ANKRD62: variants seen among roughly 807,000 people sequenced by gnomAD.
The protein encoded by ANKRD62 is ankyrin repeat domain-containing protein 62.
Under a neutral mutation model 98.8 loss-of-function variants are expected in ANKRD62, and 61 were observed. That is an observed-to-expected ratio of 0.62 (90% CI 0.50 to 0.76). The LOEUF (loss-of-function observed/expected upper bound fraction) is 0.76. Ranked by LOEUF, ANKRD62 falls within the 30% of genes least tolerant of loss-of-function variation. The pLI, the probability that ANKRD62 is intolerant of heterozygous loss-of-function variation, is 0.00. For synonymous variants in ANKRD62, 341 were observed against 367.9 expected (o/e 0.93, Z 0.84); for missense variants, 933 against 1,082.9 (o/e 0.86, Z 1.94).
In ANKRD62 at chr18:12,093,955, C is replaced by T. The variant is rs73947269; in HGVS notation, c.-63C>T. On this transcript the variant is annotated 5_prime_UTR_variant, in exon 1 of 14. In the 5' UTR this introduces an upstream ATG that the reference lacks. Coordinates refer to ENST00000587848, the MANE Select transcript of ANKRD62 (RefSeq NM_001277333.2). The stretch of plus-strand genomic sequence containing the variant: ...TGCTGCGCTCCAGAGAGGCAGAAAA[C>T]GAGTGGGAGCTGAGGTGTCTTAAAG... The T allele has an allele frequency of 1.3e-3, 1,967 of 1,486,118 alleles. 24 individuals are homozygous for T. In the African/African-American group the frequency reaches 0.025, roughly 19 times the overall value. The allele number at this position is 1,486,118 out of a possible 1,614,324, so 92.1% of individuals were successfully genotyped here.
chr18:12,172,182 G>A, the ANKRD62 span, among the ~76,000 whole-genome samples: 6 of 152,104 alleles, frequency 3.9e-5, no homozygotes, highest in Non-Finnish European at 8.8e-5. Context: ...TCCCTTGCTG[G>A]CGAGGAGCTG....
the ANKRD62 span, among the ~76,000 whole-genome samples, chr18:12,158,136 T>G: frequency 6.6e-6 from 1 of 152,200 alleles, no homozygotes; most frequent in Non-Finnish European, 1.5e-5. Flanking sequence ...CTCACTCTAT[T>G]CAGAGACAGG....
At chr18:12,140,420 A>G in the ANKRD62 span, among the ~76,000 whole-genome samples, 2 of 151,852 alleles carry the variant, frequency 1.3e-5, no homozygotes, top group Non-Finnish European at 2.9e-5. Flanking sequence ...GAGAAGAGGC[A>G]CTCTGATTTT....
At chr18:12,115,687 T>C (rs1471361291) in intron 10 of ANKRD62, among the ~76,000 whole-genome samples, 153 bp downstream of exon 10, 3 of 152,176 alleles carry the variant, frequency 2.0e-5, no homozygotes, top group Non-Finnish European at 4.4e-5. Flanking sequence ...AACTACTCTA[T>C]CTTGTATACT....
Position 12,107,388 on chromosome 18 carries a change from G to A in ANKRD62, c.985G>A (p.Asp329Asn). The A allele has an allele frequency of 2.0e-6, 3 of 1,525,846 alleles. No individual in the cohort carries two copies. The highest frequency in any genetic ancestry group is 2.6e-6 in the Non-Finnish European group (3 of 1,142,188). 94.5% of individuals were successfully genotyped at this position (1,525,846 alleles called of 1,614,324 possible). ...DDSDNYNDDV[D>N]ELIHKIKNRK... is the part of the protein sequence containing the mutation. ...CAGTGACAATTATAATGATGATGTT[G>A]ATGAATTAATTCACAAAATAAAGAA... is the stretch of plus-strand genomic sequence containing the variant. The change falls in exon 8 of 14, where the codon GAT (aspartate) becomes AAT (asparagine). Residue 329 changes from aspartate (D) to asparagine (N), a missense_variant. By Grantham distance (23) the Asp-to-Asn change is conservative. Coordinates refer to ENST00000587848, the MANE Select transcript of ANKRD62 (RefSeq NM_001277333.2).
chr18:12,136,974 T>C, the ANKRD62 span, among the ~76,000 whole-genome samples: 1 of 152,184 alleles, frequency 6.6e-6, no homozygotes, highest in African/African-American at 2.4e-5. Context: ...TTTCTAGATA[T>C]ACAATCATGT....
the ANKRD62 span, among the ~76,000 whole-genome samples, chr18:12,136,693 A>G: frequency 6.6e-6 from 1 of 152,158 alleles, no homozygotes; most frequent in African/African-American, 2.4e-5. Flanking sequence ...ATGTTCTTCC[A>G]TTTGTTTGTA....
chr18:12,105,070 A>C (rs949366126), intron 7 of ANKRD62, among the ~76,000 whole-genome samples: 2 of 152,200 alleles, frequency 1.3e-5, no homozygotes, highest in Non-Finnish European at 2.9e-5. Context: ...ACATAACATT[A>C]ATTGCAAATT....
chr18:12,106,115 A>G (rs1909408010), intron 7 of ANKRD62, among the ~76,000 whole-genome samples: 1 of 152,200 alleles, frequency 6.6e-6, no homozygotes, highest in Non-Finnish European at 1.5e-5. Context: ...AAGGCTTACA[A>G]TTTCATCATG....
intron 6 of ANKRD62, chr18:12,102,008 TG>T: frequency 1.5e-6 from 2 of 1,324,298 alleles, no homozygotes; most frequent in Non-Finnish European, 2.2e-6. Flanking sequence ...TTCCACAGCG[TG>T]GCAACAGCTT....
At chr18:12,130,891 T>C (rs184823979), downstream of ANKRD62, among the ~76,000 whole-genome samples, 39 of 152,308 alleles carry the variant, frequency 2.6e-4, no homozygotes, top group African/African-American at 9.4e-4. Context: ...GGTTTCACCA[T>C]GTTGGCCAGG....
the ANKRD62 span, among the ~76,000 whole-genome samples, chr18:12,172,660 T>C: frequency 6.6e-6 from 1 of 151,656 alleles, no homozygotes; most frequent in African/African-American, 2.4e-5. Context: ...GACAGGGATG[T>C]TTAAGTTTCT....
chr18:12,098,682 G>A (rs891914633), intron 5 of ANKRD62: 5 of 152,202 alleles, frequency 3.3e-5, no homozygotes, highest in African/African-American at 9.7e-5. Context: ...TGAGAATGGC[G>A]CTGAGTAAAC....
the ANKRD62 span, among the ~76,000 whole-genome samples, chr18:12,161,534 C>T: frequency 6.6e-6 from 1 of 152,042 alleles, no homozygotes; most frequent in Non-Finnish European, 1.5e-5. Flanking sequence ...GTGTTACAAA[C>T]CATCCAATTA....
At chr18:12,115,165 TA>T in intron 9 of ANKRD62, 44 bp downstream of exon 9, 1 of 1,374,196 alleles carries the variant, frequency 7.3e-7, no homozygotes, top group Non-Finnish European at 9.4e-7. Context: ...GAACATACCT[TA>T]AAAAAGATCA....
the ANKRD62 span, among the ~76,000 whole-genome samples, chr18:12,177,460 G>C: frequency 6.6e-6 from 1 of 152,098 alleles, no homozygotes; most frequent in East Asian, 1.9e-4. Flanking sequence ...TGAGAGGAGA[G>C]GGTGGCAGCT....
rs1268745042 is a variant in ANKRD62, at chr18:12,096,304, T to C, written c.614+2T>C. 4 of 1,495,018 alleles carry C rather than the reference T, an allele frequency of 2.7e-6. No homozygotes were observed. Among genetic ancestry groups the C allele is most frequent in the African/African-American group, 2.8e-5 (2 of 71,606 alleles). The allele number at this position is 1,495,018 out of a possible 1,614,324, so 92.6% of individuals were successfully genotyped here. On this transcript the variant is annotated splice_donor_variant, in intron 4 of 13. Transcript: ENST00000587848. LOFTEE classifies it high-confidence loss of function. ...AACTGCAATAGATAATTTTGGAAGG[T>C]ACAGTAGTTCTTTTTTTGTTCATTT...
At position 12,095,154 on chromosome 18, in the gene ANKRD62, A is replaced by T; in HGVS notation, c.219-17A>T. On this transcript the variant is annotated splice_polypyrimidine_tract_variant and intron_variant, in intron 1 of 13. Coordinates refer to ENST00000587848, the MANE Select transcript of ANKRD62 (RefSeq NM_001277333.2). The stretch of plus-strand genomic sequence containing the variant: ...CTGTGCACTACAATTGCCTAAAGCG[A>T]CCTCTCATTCTCACAGGACTGCTCT... The T allele has an allele frequency of 6.5e-7, 1 of 1,531,496 alleles. No homozygotes were observed. The highest frequency in any genetic ancestry group is 8.8e-7 in the Non-Finnish European group (1 of 1,142,562). The allele number at this position is 1,531,496 out of a possible 1,614,324, so 94.9% of individuals were successfully genotyped here.
chr18:12,134,223 T>G (rs1250339068), downstream of ANKRD62, among the ~76,000 whole-genome samples: 1 of 152,222 alleles, frequency 6.6e-6, no homozygotes, highest in Admixed American at 6.5e-5. Context: ...ACAGCTGCCA[T>G]GTCATTAAGC....
Sources: allele counts gnomAD v4.1 joint callset (sites outside exome capture counted in the v4.1 genomes callset), GRCh38; gene constraint gnomAD v4.1.1; transcripts MANE v1.5; gene names NCBI Gene and HGNC (gene_info 2026-07-23, HGNC 2026-07-21).